Variants in ASMTL observed in about 807,000 individuals in gnomAD.
ASMTL encodes the protein probable bifunctional dTTP/UTP pyrophosphatase/methyltransferase protein.
Under a neutral mutation model 60.3 loss-of-function variants are expected in ASMTL, and 57 were observed. The observed-to-expected ratio is 0.95, with a 90% CI of 0.76 to 1.18. The LOEUF (loss-of-function observed/expected upper bound fraction) is 1.18. Ranked by LOEUF, ASMTL falls within the 50% of genes most tolerant of loss-of-function variation. ASMTL has a pLI of 0.00. For synonymous variants in ASMTL, 419 were observed against 373.0 expected (o/e 1.12, Z -1.42); for missense variants, 981 against 852.6 (o/e 1.15, Z -1.88).
At chrX:1,417,364 CAG>C (rs2090326693) in intron 11 of ASMTL, among the ~76,000 whole-genome samples, 1 of 151,544 alleles carries the variant, frequency 6.6e-6, no homozygotes, top group African/African-American at 2.4e-5. Context: ...CATCACCTCA[CAG>C]AAACATATGC....
chrX:1,428,738 C>T (rs1472150302), intron 6 of ASMTL, among the ~76,000 whole-genome samples: 1 of 148,370 alleles, frequency 6.7e-6, no homozygotes. Flanking sequence ...AGCCAATTAT[C>T]CCATTCAGCA....
intron 9 of ASMTL, 98 bp downstream of exon 9, chrX:1,421,558 CTG>C (rs1223957593): frequency 5.3e-6 from 7 of 1,310,314 alleles, no homozygotes; most frequent in Non-Finnish European, 7.6e-6. Context: ...ATCTGTCAGA[CTG>C]GAGACAGACT....
At chrX:1,406,645 A>C (rs1406596714) in intron 12 of ASMTL, among the ~76,000 whole-genome samples, 3 of 151,474 alleles carry the variant, frequency 2.0e-5, no homozygotes, top group African/African-American at 7.3e-5. Context: ...TGATGGATGG[A>C]TGGGTGAATA....
chrX:1,405,208 AGATGAATG>A (rs2089768606), intron 12 of ASMTL, among the ~76,000 whole-genome samples: 1 of 121,926 alleles, frequency 8.2e-6, no homozygotes, highest in Non-Finnish European at 1.8e-5. Flanking sequence ...GTACGTAGAT[AGATGAATG>A]GATGGATAGA....
chrX:1,421,646 G>T lies in ASMTL; in HGVS notation c.1245+12C>A. 1 of 1,613,834 alleles carries T rather than the reference G, an allele frequency of 6.2e-7. No homozygotes were observed. The highest frequency in any genetic ancestry group is 1.3e-5 in the African/African-American group (1 of 75,020). On this transcript the variant is annotated intron_variant, in intron 9 of 12. Coordinates refer to ENST00000381317, the MANE Select transcript of ASMTL (RefSeq NM_004192.4). ...GCTAGACGGAAAGGTGTCCGCGGGG[G>T]TGTTATGCTACCTGGAACAGATCTT...
chrX:1,419,205 G>C, intron 9 of ASMTL, 91 bp from the exon 10 acceptor site: 2 of 1,477,400 alleles, frequency 1.4e-6, no homozygotes, highest in South Asian at 1.2e-5. Context: ...GAAGTGCAGG[G>C]CTCCAGAGCG....
At chrX:1,425,468 C>G in intron 8 of ASMTL, 57 bp downstream of exon 8, 1 of 1,582,614 alleles carries the variant, frequency 6.3e-7, no homozygotes. Context: ...GGTCACCTTC[C>G]CTCAGTGACT....
At chrX:1,406,003 TATGGATGTG>T (rs2089818316) in intron 12 of ASMTL, among the ~76,000 whole-genome samples, 1 of 138,618 alleles carries the variant, frequency 7.2e-6, no homozygotes, top group African/African-American at 2.7e-5. Flanking sequence ...TAGATGGATG[TATGGATGTG>T]ATGGATGGGT....
At chrX:1,435,344 AG>A in intron 4 of ASMTL, 3 of 611,082 alleles carry the variant, frequency 4.9e-6, no homozygotes, top group Non-Finnish European at 5.9e-6. Flanking sequence ...TATGGCGGGC[AG>A]GGGGTGCATC....
chrX:1,435,625 C>T, intron 4 of ASMTL, 69 bp downstream of exon 4: 1 of 1,507,662 alleles, frequency 6.6e-7, no homozygotes, highest in Non-Finnish European at 9.2e-7. Context: ...CCCAGGACAC[C>T]CGGCCAGATA....
At chrX:1,417,901 C>G in intron 11 of ASMTL, 72 bp downstream of exon 11, 5 of 1,532,762 alleles carry the variant, frequency 3.3e-6, no homozygotes, top group Non-Finnish European at 4.4e-6. Flanking sequence ...GCACACACAG[C>G]CATGCCCTCT....
chrX:1,438,576 C>T (rs1309147013), intron 3 of ASMTL, among the ~76,000 whole-genome samples: 19 of 152,174 alleles, frequency 1.2e-4, no homozygotes, highest in African/African-American at 2.9e-4. Context: ...TGCAGTGGCG[C>T]GATCTCGGCT....
intron 1 of ASMTL, among the ~76,000 whole-genome samples, chrX:1,451,067 A>C (rs138632799): frequency 0.13 from 4,129 of 31,794 alleles, 114 homozygotes; most frequent in African/African-American, 0.29. Context: ...CCTCCCCCAT[A>C]CCTAGGGATT....
chrX:1,435,072 C>G lies in ASMTL; in HGVS notation c.350G>C (p.Arg117Thr). Residue 117 changes from arginine to threonine, a missense_variant, in exon 5 of 13, where the codon AGA (arginine) becomes ACA (threonine). Transcript: ENST00000381317. Reference sequence around the variant, plus strand: ...GACACCTGTGAACACGCTGTGTTCTCTCCCACTCAACCTGTAAGACAACAA... The same window carrying G: ...GACACCTGTGAACACGCTGTGTTCTGTCCCACTCAACCTGTAAGACAACAA... Reference protein sequence around the residue: ...AYRMLSRLSGREHSVFTGVAI... With the variant: ...AYRMLSRLSGTEHSVFTGVAI... 1 of 1,614,002 alleles carries G rather than the reference C, an allele frequency of 6.2e-7. No homozygotes were observed. The highest frequency in any genetic ancestry group is 8.5e-7 in the Non-Finnish European group (1 of 1,179,868).
chrX:1,412,952 A>G (rs1314680971), intron 11 of ASMTL, 98 bp from the exon 12 acceptor site: 3 of 1,371,608 alleles, frequency 2.2e-6, no homozygotes, highest in Admixed American at 1.7e-5. Context: ...TAAATCAGGG[A>G]CAGAGAAGAG....
intron 1 of ASMTL, among the ~76,000 whole-genome samples, chrX:1,449,330 C>T (rs2091298284): frequency 1.3e-5 from 2 of 151,960 alleles, no homozygotes; most frequent in South Asian, 4.1e-4. Context: ...TGACGCCCAT[C>T]CTGGTCTTCA....
intron 1 of ASMTL, among the ~76,000 whole-genome samples, chrX:1,451,272 A>C (rs1316759018): frequency 2.8e-3 from 144 of 51,452 alleles, no homozygotes; most frequent in Middle Eastern, 0.02. Context: ...TACTCTCCCC[A>C]CCCCCATCCC....
intron 6 of ASMTL, chrX:1,432,039 T>C: frequency 1.7e-6 from 1 of 578,356 alleles, no homozygotes; most frequent in Non-Finnish European, 3.1e-6. Flanking sequence ...CAGCCCAGCG[T>C]TGGCTCCCAC....
At chrX:1,444,972 C>T (rs2091202651) in intron 1 of ASMTL, among the ~76,000 whole-genome samples, 1 of 152,156 alleles carries the variant, frequency 6.6e-6, no homozygotes, top group Admixed American at 6.5e-5. Flanking sequence ...TCGTCTTCCT[C>T]TCTCTTCGTC....
Sources: gnomAD v4.1 joint callset for allele counts (sites outside exome capture counted in the v4.1 genomes callset) on GRCh38, gnomAD v4.1.1 for gene constraint, MANE v1.5 for transcripts, NCBI Gene and HGNC (gene_info 2026-07-23, HGNC 2026-07-21) for gene names.